The following NAALADL2 variants were observed in gnomAD, a reference collection of about 807,000 sequenced individuals.
NAALADL2 encodes the protein N-acetylated alpha-linked acidic dipeptidase like 2, also known as inactive N-acetylated-alpha-linked acidic dipeptidase-like protein 2.
A neutral mutation model predicts 87.2 loss-of-function variants in NAALADL2; 76 were observed. The observed-to-expected ratio is 0.87, with a 90% confidence interval of 0.72 to 1.05. The LOEUF is 1.05. Ranked by LOEUF, NAALADL2 falls within the 50% of genes least tolerant of loss-of-function variation. NAALADL2 has a pLI of 0.00. For missense variants in NAALADL2, 1,089 were observed against 945.8 expected, an observed-to-expected ratio of 1.15 and a Z score of -1.99; for synonymous variants, 354 against 331.0, an observed-to-expected ratio of 1.07 and a Z score of -0.75.
intron 13 of NAALADL2, among the ~76,000 whole-genome samples, chr3:175,765,848 T>C (rs903775733): frequency 6.6e-6 from 1 of 152,144 alleles, no homozygotes; most frequent in Non-Finnish European, 1.5e-5. Flanking sequence ...TCCTGCCAGA[T>C]TGGTCTTATT....
Position 175,809,531 on chromosome 3 carries a change from AAAAAAAAAG to A in NAALADL2, c.*6333_*6341del. 1 of 150,206 alleles carries A rather than the reference AAAAAAAAAG, an allele frequency of 6.7e-6. No homozygotes were observed. Among genetic ancestry groups the A allele is most frequent in the African/African-American group, 2.4e-5 (1 of 41,050 alleles). The allele number at this position is 150,206 out of a possible 1,614,324, so 9.3% of individuals were successfully genotyped here. On this transcript the variant is annotated 3_prime_UTR_variant, in exon 14 of 14. Coordinates refer to ENST00000454872, the MANE Select transcript of NAALADL2 (RefSeq NM_207015.3). Reference sequence around the variant, plus strand: ...TCTCTTAAAAAAAAAAAAAAAAAAAAAAAAAAAAGAAAAGAAAAAGTAGCTAGGCATGTT... The same window carrying A: ...TCTCTTAAAAAAAAAAAAAAAAAAAAAAAAGAAAAAGTAGCTAGGCATGTT...
In NAALADL2 at chr3:175,467,021, G is replaced by GTTA. The variant is rs1560599019; in HGVS notation, c.1372_1374dup (p.Tyr458dup). 1 of 1,613,822 alleles carries GTTA rather than the reference G, an allele frequency of 6.2e-7. No individual in the cohort carries two copies. The highest frequency in any genetic ancestry group is 1.7e-5 in the Admixed American group (1 of 60,016). ...GGCAGCCATCATCACACTGCACACAGTTATAATGGACAAGAATGGGCCAGT... is the reference window on the plus strand; with the variant it reads ...GGCAGCCATCATCACACTGCACACAGTTATTATAATGGACAAGAATGGGCCAGT... On this transcript the variant is annotated inframe_insertion, in exon 8 of 14. Coordinates refer to ENST00000454872, the MANE Select transcript of NAALADL2 (RefSeq NM_207015.3).
At chr3:174,683,628 TGGTGTG>T (rs1244191771) in intron 2 of NAALADL2, among the ~76,000 whole-genome samples, 1 of 70,678 alleles carries the variant, frequency 1.4e-5, no homozygotes, top group Non-Finnish European at 2.6e-5. Context: ...ACAGAACTTC[TGGTGTG>T]TGTGTGTGTG....
At chr3:174,847,436 A>C (rs80289646) in intron 3 of NAALADL2, among the ~76,000 whole-genome samples, 14,914 of 152,184 alleles carry the variant, frequency 0.098, 812 homozygotes, top group Middle Eastern at 0.13. Context: ...CTCTTATCCT[A>C]TTGATGGCTT....
At chr3:174,891,000 A>G (rs1218867699) in intron 1 of NAALADL2, among the ~76,000 whole-genome samples, 1 of 151,946 alleles carries the variant, frequency 6.6e-6, no homozygotes, top group Non-Finnish European at 1.5e-5. Context: ...TCTTCTAAAT[A>G]TAGATACTTA....
chr3:174,819,582 C>T (rs925308391), intron 3 of NAALADL2, among the ~76,000 whole-genome samples: 1 of 152,132 alleles, frequency 6.6e-6, no homozygotes, highest in Non-Finnish European at 1.5e-5. Flanking sequence ...GTCTGTTCAA[C>T]TACTTTTAGT....
At chr3:174,497,551 A>G (rs924861073) in intron 1 of NAALADL2, among the ~76,000 whole-genome samples, 1 of 152,160 alleles carries the variant, frequency 6.6e-6, no homozygotes, top group Non-Finnish European at 1.5e-5. Context: ...TACTTCCTCC[A>G]TGGTCATGTT....
chr3:175,242,214 C>T (rs921662258), intron 3 of NAALADL2, among the ~76,000 whole-genome samples: 9 of 151,980 alleles, frequency 5.9e-5, no homozygotes, highest in Non-Finnish European at 1.0e-4. Context: ...TTTTAGTCAC[C>T]GTAATTACCA....
chr3:175,471,537 T>C, intron 8 of NAALADL2, 102 bp from the exon 9 acceptor site: 1 of 706,508 alleles, frequency 1.4e-6, no homozygotes, highest in Non-Finnish European at 2.4e-6. Context: ...AATATAATAA[T>C]TTTAAGTATG....
intron 9 of NAALADL2, chr3:175,487,463 A>G: frequency 2.2e-6 from 1 of 452,570 alleles, no homozygotes; most frequent in South Asian, 1.6e-5. Flanking sequence ...AATGAACATA[A>G]TTTATTTGCC....
At chr3:174,472,173 T>G (rs1203488491) in intron 1 of NAALADL2, among the ~76,000 whole-genome samples, 4 of 152,240 alleles carry the variant, frequency 2.6e-5, no homozygotes, top group Non-Finnish European at 5.9e-5. Flanking sequence ...GTTATAATTA[T>G]TCATGTAAGA....
At chr3:174,807,921 A>C (rs886970267) in intron 3 of NAALADL2, among the ~76,000 whole-genome samples, 8 of 146,282 alleles carry the variant, frequency 5.5e-5, no homozygotes, top group African/African-American at 2.0e-4. Flanking sequence ...CAGTAGTAGA[A>C]TGTGTCTCTA....
intron 5 of NAALADL2, among the ~76,000 whole-genome samples, chr3:175,330,815 A>G (rs1017531260): frequency 6.6e-5 from 10 of 152,174 alleles, no homozygotes; most frequent in Non-Finnish European, 1.5e-4. Flanking sequence ...ATCAGAGTAG[A>G]ACTAAAGGAA....
chr3:175,615,804 C>T (rs1725267924), intron 10 of NAALADL2, among the ~76,000 whole-genome samples: 1 of 150,942 alleles, frequency 6.6e-6, no homozygotes, highest in Non-Finnish European at 1.5e-5. Flanking sequence ...GTGCAGTGAG[C>T]CCAGATTGCA....
At chr3:174,930,867 C>G (rs1418143555) in intron 1 of NAALADL2, among the ~76,000 whole-genome samples, 1 of 151,840 alleles carries the variant, frequency 6.6e-6, no homozygotes, top group Non-Finnish European at 1.5e-5. Flanking sequence ...TGTGATCCGC[C>G]CACCTCGGCC....
At chr3:175,467,775 C>T (rs1029591247) in intron 8 of NAALADL2, among the ~76,000 whole-genome samples, 1 of 152,106 alleles carries the variant, frequency 6.6e-6, no homozygotes, top group Non-Finnish European at 1.5e-5. Flanking sequence ...CAAATGAAAT[C>T]TAGCATGCAA....
At chr3:174,483,680 A>G (rs1717695553) in intron 1 of NAALADL2, among the ~76,000 whole-genome samples, 1 of 152,038 alleles carries the variant, frequency 6.6e-6, no homozygotes, top group South Asian at 2.1e-4. Flanking sequence ...GGCAGCCTCA[A>G]CCATCTGAAA....
At chr3:174,742,821 C>T (rs1733884845) in intron 3 of NAALADL2, among the ~76,000 whole-genome samples, 1 of 151,080 alleles carries the variant, frequency 6.6e-6, no homozygotes, top group Non-Finnish European at 1.5e-5. Flanking sequence ...TTAAGATAGA[C>T]AAATATGAGA....
chr3:174,898,717 T>C (rs1731931297), intron 1 of NAALADL2, among the ~76,000 whole-genome samples: 1 of 152,116 alleles, frequency 6.6e-6, no homozygotes, highest in Non-Finnish European at 1.5e-5. Context: ...AAAGTATTCA[T>C]AGAGCCATAG....
Sources: allele counts gnomAD v4.1 joint callset (sites outside exome capture counted in the v4.1 genomes callset), GRCh38; gene constraint gnomAD v4.1.1; transcripts MANE v1.5; gene names NCBI Gene and HGNC (gene_info 2026-07-23, HGNC 2026-07-21).